Variants in CAMTA1 observed in about 807,000 individuals in gnomAD.
CAMTA1 encodes the protein calmodulin binding transcription activator 1.
A neutral mutation model predicts 170.9 loss-of-function variants in CAMTA1; 27 were observed. That is an observed-to-expected ratio of 0.16 (90% CI 0.12 to 0.22). The LOEUF is 0.22. Ranked by LOEUF, CAMTA1 falls within the 10% of genes least tolerant of loss-of-function variation. CAMTA1 has a pLI of 1.00. For missense variants in CAMTA1, 1,619 were observed against 2,217.2 expected (o/e 0.73, Z 5.42); for synonymous variants, 833 against 891.5 (o/e 0.93, Z 1.17).
chr1:7,097,533 G>A (rs1642221958), intron 4 of CAMTA1, among the ~76,000 whole-genome samples: 2 of 152,256 alleles, frequency 1.3e-5, no homozygotes, highest in Admixed American at 1.3e-4. Flanking sequence ...TAAGACCCCT[G>A]GCAGTGACCT....
chr1:7,074,244 G>A (rs894559033), intron 3 of CAMTA1, among the ~76,000 whole-genome samples: 1 of 152,208 alleles, frequency 6.6e-6, no homozygotes, highest in Non-Finnish European at 1.5e-5. Context: ...TGGCTTATCT[G>A]TATGGCTGTG....
chr1:6,867,866 G>A (rs79890388), intron 3 of CAMTA1, among the ~76,000 whole-genome samples: 2,576 of 152,034 alleles, frequency 0.017, 34 homozygotes, highest in South Asian at 0.033. Flanking sequence ...AATGCAGCGA[G>A]TGGCACAGTC....
At position 7,041,569 on chromosome 1, in the gene CAMTA1, C is replaced by G. The variant is rs1336997840; in HGVS notation, c.235-49735C>G. Among the ~76,000 whole-genome samples, 1 of 152,126 alleles carries G rather than the reference C, an allele frequency of 6.6e-6. No individual in the cohort carries two copies. Among genetic ancestry groups the G allele is most frequent in the Non-Finnish European group, 1.5e-5 (1 of 68,032 alleles). On this transcript the variant is annotated intron_variant, in intron 3 of 22. Coordinates refer to ENST00000303635, the MANE Select transcript of CAMTA1 (RefSeq NM_015215.4). This position sits in a 1 kb window ranked among gnomAD's most constrained non-coding sequence, Gnocchi z 5.1. ...GCGAAAACATGCTGAAAAGACAGTTCTGTAGAAATGTGAAACATTATTATG... is the reference window on the plus strand; with the variant it reads ...GCGAAAACATGCTGAAAAGACAGTTGTGTAGAAATGTGAAACATTATTATG...
At chr1:7,332,178 C>G (rs1208807210) in intron 5 of CAMTA1, among the ~76,000 whole-genome samples, 1 of 152,196 alleles carries the variant, frequency 6.6e-6, no homozygotes, top group Non-Finnish European at 1.5e-5. Context: ...ATCTGCCAGT[C>G]ACTCTGAGTT....
At chr1:7,107,490 C>G (rs1205366183) in intron 4 of CAMTA1, among the ~76,000 whole-genome samples, 1 of 152,160 alleles carries the variant, frequency 6.6e-6, no homozygotes, top group Non-Finnish European at 1.5e-5. Flanking sequence ...GGGCTTTTCT[C>G]ATTCTTAAGC....
intron 5 of CAMTA1, among the ~76,000 whole-genome samples, chr1:7,410,762 T>G (rs1244162456): frequency 1.3e-5 from 2 of 152,140 alleles, no homozygotes; most frequent in Non-Finnish European, 2.9e-5. Flanking sequence ...TGCAGGCGCT[T>G]TAATGCCTTC....
chr1:7,755,637 G>GC lies in CAMTA1; in HGVS notation c.4963dup (p.Leu1655ProfsTer5). On this transcript the variant is annotated frameshift_variant and splice_region_variant. Transcript: ENST00000303635. LOFTEE classifies it high-confidence loss of function. ...CTCTGGTGTTGTTTTACTGTCTAAA[G>GC]CCCCCTGGTGGACCATAGGCTGTAC... 6.2e-7 allele frequency: 1 copy of GC among 1,613,270 alleles called. No homozygotes were observed.
Position 7,543,959 on chromosome 1 carries a change from G to T in CAMTA1, c.510+76058G>T, listed in dbSNP as rs182219946. 9.2e-5 allele frequency among the ~76,000 whole-genome samples: 14 copies of T among 152,114 alleles called. No individual in the cohort carries two copies. In the East Asian group the frequency reaches 2.7e-3, roughly 29 times the overall value. ...TGTGTTAAACCAAGCTTAGTTTAAT[G>T]CCTTGCTGCCGTATTCTCAAAATTC... On this transcript the variant is annotated intron_variant, in intron 6 of 22. Coordinates refer to ENST00000303635, the MANE Select transcript of CAMTA1 (RefSeq NM_015215.4).
chr1:7,549,672 G>T (rs886615091), intron 6 of CAMTA1, among the ~76,000 whole-genome samples: 1 of 152,168 alleles, frequency 6.6e-6, no homozygotes, highest in East Asian at 1.9e-4. Context: ...TGATATGTGA[G>T]GTTCATGAGT....
chr1:7,589,216 T>TA (rs1426056281), intron 6 of CAMTA1, among the ~76,000 whole-genome samples: 4 of 152,168 alleles, frequency 2.6e-5, no homozygotes, highest in Non-Finnish European at 4.4e-5. Context: ...GCCAGGCCTT[T>TA]ACTGGGCACT....
intron 20 of CAMTA1, among the ~76,000 whole-genome samples, chr1:7,752,185 T>G (rs2096901997): frequency 6.6e-6 from 1 of 152,206 alleles, no homozygotes; most frequent in Admixed American, 6.5e-5. Flanking sequence ...GGAAGAATAT[T>G]TAAGTGACAT....
chr1:6,790,866 C>T (rs1331562733), intron 1 of CAMTA1, among the ~76,000 whole-genome samples: 1 of 151,926 alleles, frequency 6.6e-6, no homozygotes, highest in African/African-American at 2.4e-5. Flanking sequence ...ATTTGAAATA[C>T]CCCTTTTCTT....
intron 3 of CAMTA1, among the ~76,000 whole-genome samples, chr1:7,024,042 A>AAAG (rs1553221697): frequency 1.7e-3 from 251 of 150,310 alleles, no homozygotes; most frequent in Non-Finnish European, 3.1e-3. Flanking sequence ...AAAAAAAAAA[A>AAAG]AAAGAAAGAA....
chr1:7,213,433 C>T (rs2149082594), intron 4 of CAMTA1, among the ~76,000 whole-genome samples: 1 of 152,104 alleles, frequency 6.6e-6, no homozygotes, highest in Non-Finnish European at 1.5e-5. Context: ...TTTTGGAGTC[C>T]TTTGTCCATT....
intron 3 of CAMTA1, among the ~76,000 whole-genome samples, chr1:6,990,853 C>G (rs1427064475): frequency 6.6e-6 from 1 of 150,882 alleles, no homozygotes; most frequent in Admixed American, 6.6e-5. Context: ...GTTTTAATCT[C>G]AATAGCTTTT....
At chr1:7,230,611 G>GA (rs1309282306) in intron 4 of CAMTA1, among the ~76,000 whole-genome samples, 2 of 152,218 alleles carry the variant, frequency 1.3e-5, no homozygotes, top group Admixed American at 6.5e-5. Context: ...AGGTGTGCGA[G>GA]AAAATCATTG....
intron 3 of CAMTA1, among the ~76,000 whole-genome samples, chr1:6,955,573 T>C (rs12726405): frequency 0.89 from 135,385 of 152,220 alleles, 60,231 homozygotes; most frequent in Admixed American, 0.94. Context: ...AGGATGGCTG[T>C]CAGGTGTGCG....
chr1:7,440,761 A>T (rs1483552292), intron 5 of CAMTA1, among the ~76,000 whole-genome samples: 1 of 151,066 alleles, frequency 6.6e-6, no homozygotes, highest in Non-Finnish European at 1.5e-5. Context: ...TCTTGCTCCC[A>T]CTCTCCGTGG....
intron 11 of CAMTA1, among the ~76,000 whole-genome samples, chr1:7,707,372 GTGAAAGGTGTGAGGCTCTTTT>G (rs1237314521): frequency 2.0e-5 from 3 of 151,996 alleles, no homozygotes; most frequent in African/African-American, 7.3e-5. Context: ...AGTTTCCCGA[GTGAAAGGTGTGAGGCTCTTTT>G]TGAAACAGGT....
Sources: gnomAD v4.1 joint callset for allele counts (sites outside exome capture counted in the v4.1 genomes callset) on GRCh38, gnomAD v4.1.1 for gene constraint, Gnocchi (gnomAD v3.1) non-coding constraint, MANE v1.5 for transcripts, NCBI Gene and HGNC (gene_info 2026-07-23, HGNC 2026-07-21) for gene names.